Variants in LUZP2 observed in about 807,000 individuals in gnomAD.
LUZP2 encodes leucine zipper protein 2.
In LUZP2, 52 loss-of-function variants were observed where a neutral mutation model predicts 51.6. That is an observed-to-expected ratio of 1.01 (90% CI 0.81 to 1.27). LUZP2 has a LOEUF of 1.27. Ranked by LOEUF, LUZP2 falls within the 50% of genes most tolerant of loss-of-function variation. LUZP2 has a pLI of 0.00. For missense variants in LUZP2, 436 were observed against 395.4 expected (o/e 1.10, Z -0.87); for synonymous variants, 154 against 137.3 (o/e 1.12, Z -0.85).
chr11:24,505,972 G>T (rs996616405), intron 1 of LUZP2, among the ~76,000 whole-genome samples: 1 of 152,016 alleles, frequency 6.6e-6, no homozygotes, highest in Non-Finnish European at 1.5e-5. Context: ...TTTTAAAGAG[G>T]ATTCATTGTT....
intron 5 of LUZP2, among the ~76,000 whole-genome samples, chr11:24,859,567 A>C (rs200336192): frequency 9.2e-6 from 1 of 108,896 alleles, no homozygotes; most frequent in African/African-American, 3.9e-5. Context: ...CAAAATGGCA[A>C]CTAGAAGCAT....
At chr11:24,823,610 A>G (rs1319771656) in intron 5 of LUZP2, among the ~76,000 whole-genome samples, 1 of 152,210 alleles carries the variant, frequency 6.6e-6, no homozygotes, top group Non-Finnish European at 1.5e-5. Context: ...GACTTCAGCA[A>G]TATTCCAGGT....
chr11:24,576,229 G>A (rs1443338897), intron 1 of LUZP2, among the ~76,000 whole-genome samples: 1 of 151,124 alleles, frequency 6.6e-6, no homozygotes, highest in Non-Finnish European at 1.5e-5. Flanking sequence ...TGGCCAACAT[G>A]GTGAAAACCC....
At chr11:24,556,097 G>A (rs1851862373) in intron 1 of LUZP2, among the ~76,000 whole-genome samples, 1 of 152,272 alleles carries the variant, frequency 6.6e-6, no homozygotes, top group African/African-American at 2.4e-5. Context: ...GACTGATGAT[G>A]CTTTTTCAAC....
chr11:24,778,017 G>T (rs1031250602), intron 5 of LUZP2, among the ~76,000 whole-genome samples: 3 of 152,004 alleles, frequency 2.0e-5, no homozygotes, highest in African/African-American at 7.3e-5. Flanking sequence ...CATTGAATAG[G>T]TTATATTTCT....
intron 5 of LUZP2, among the ~76,000 whole-genome samples, chr11:24,811,438 A>G (rs962211438): frequency 2.0e-5 from 3 of 152,168 alleles, no homozygotes; most frequent in Non-Finnish European, 2.9e-5. Flanking sequence ...CTTATCTGAC[A>G]TAGTTAATGT....
chr11:24,742,077 C>A (rs1409730052), intron 4 of LUZP2, among the ~76,000 whole-genome samples: 11 of 93,406 alleles, frequency 1.2e-4, no homozygotes, highest in East Asian at 6.4e-4. Flanking sequence ...ATATATATAT[C>A]ACCATTTCTT....
chr11:24,929,078 T>A (rs181763951), intron 7 of LUZP2, among the ~76,000 whole-genome samples: 1 of 152,086 alleles, frequency 6.6e-6, no homozygotes, highest in South Asian at 2.1e-4. Context: ...TCAGTTATAA[T>A]ATATCCCCTT....
intron 7 of LUZP2, among the ~76,000 whole-genome samples, chr11:24,946,993 C>T (rs1052949217): frequency 6.6e-6 from 1 of 151,766 alleles, no homozygotes; most frequent in Admixed American, 6.6e-5. Flanking sequence ...CTACAGTTAA[C>T]CCTTGAACAA....
intron 5 of LUZP2, among the ~76,000 whole-genome samples, chr11:24,812,366 T>G (rs907600537): frequency 2.6e-5 from 4 of 152,074 alleles, no homozygotes; most frequent in African/African-American, 9.7e-5. Context: ...AAAGAAAACT[T>G]CTTCAATTCC....
intron 4 of LUZP2, among the ~76,000 whole-genome samples, chr11:24,745,071 A>G (rs1859327970): frequency 6.6e-6 from 1 of 151,778 alleles, no homozygotes; most frequent in Admixed American, 6.6e-5. Flanking sequence ...GGTCTGAGAG[A>G]GTGTTTGATA....
intron 1 of LUZP2, among the ~76,000 whole-genome samples, chr11:24,516,558 C>G (rs551888540): frequency 6.6e-6 from 1 of 152,064 alleles, no homozygotes; most frequent in African/African-American, 2.4e-5. Context: ...AGTTTGTTTT[C>G]TTTTTTGTGT....
chr11:24,770,937 C>A (rs762332982), intron 5 of LUZP2, among the ~76,000 whole-genome samples: 4 of 119,980 alleles, frequency 3.3e-5, no homozygotes, highest in Non-Finnish European at 7.6e-5. Flanking sequence ...TGCTGCCCTG[C>A]CACTGCAGGC....
At chr11:24,788,882 C>T (rs995222312) in intron 5 of LUZP2, among the ~76,000 whole-genome samples, 1 of 152,074 alleles carries the variant, frequency 6.6e-6, no homozygotes, top group African/African-American at 2.4e-5. Context: ...GGCCCACCCA[C>T]ATTATGAAGG....
intron 9 of LUZP2, among the ~76,000 whole-genome samples, chr11:25,027,713 T>TA (rs534433126): frequency 3.1e-4 from 47 of 151,778 alleles, no homozygotes; most frequent in Non-Finnish European, 5.6e-4. Context: ...CTACTAAAAA[T>TA]AAAAAAATTA....
chr11:24,921,346 C>T (rs1817437889), intron 7 of LUZP2, among the ~76,000 whole-genome samples: 1 of 152,110 alleles, frequency 6.6e-6, no homozygotes, highest in African/African-American at 2.4e-5. Flanking sequence ...ATTTATGTAG[C>T]TTCCAGAAAC....
At chr11:24,559,802 T>G (rs1851977403) in intron 1 of LUZP2, among the ~76,000 whole-genome samples, 1 of 152,184 alleles carries the variant, frequency 6.6e-6, no homozygotes, top group South Asian at 2.1e-4. Flanking sequence ...TCTAAACTTA[T>G]AGAAAGGGAT....
intron 1 of LUZP2, among the ~76,000 whole-genome samples, chr11:24,528,185 C>T (rs1850876667): frequency 6.6e-6 from 1 of 151,098 alleles, no homozygotes; most frequent in African/African-American, 2.4e-5. Flanking sequence ...GCAGATTTCT[C>T]AGCATGTTTC....
rs1859414590 is a variant in LUZP2 at position 25,079,661 on chromosome 11, GAAGATA to G, written c.*1004_*1009del. 1 of 152,106 alleles carries G rather than the reference GAAGATA, an allele frequency of 6.6e-6. No homozygotes were observed. The highest frequency in any genetic ancestry group is 2.4e-5 in the African/African-American group (1 of 41,440). The allele number at this position is 152,106 out of a possible 1,614,324, so 9.4% of individuals were successfully genotyped here. A position where few individuals can be genotyped will look rare whatever the true frequency, so the allele number is the denominator to read the frequency against. On this transcript the variant is annotated 3_prime_UTR_variant, in exon 12 of 12. Transcript: ENST00000336930. ...AAAAAAATGCACTCATGAATAATTG[GAAGATA>G]GCTCACAAGCAAGAGGAATTGACCC...
Sources: allele counts gnomAD v4.1 joint callset (sites outside exome capture counted in the v4.1 genomes callset), GRCh38; gene constraint gnomAD v4.1.1; transcripts MANE v1.5; gene names NCBI Gene and HGNC (gene_info 2026-07-23, HGNC 2026-07-21).